METTL21C: variants seen among roughly 807,000 people sequenced by gnomAD.
METTL21C encodes the protein protein-lysine methyltransferase METTL21C.
METTL21C carries 21 observed loss-of-function variants against 25.9 expected under a neutral mutation model. The observed-to-expected ratio is 0.81, with a 90% CI of 0.58 to 1.17. The LOEUF is 1.17. Ranked by LOEUF, METTL21C falls within the 50% of genes most tolerant of loss-of-function variation. The pLI, the probability that METTL21C is intolerant of heterozygous loss-of-function variation, is 0.00. For synonymous variants in METTL21C, 125 were observed against 124.7 expected (o/e 1.00, Z -0.01); for missense variants, 312 against 315.1 (o/e 0.99, Z 0.07).
intron 2 of METTL21C, 93 bp from the exon 3 acceptor site, chr13:102,687,150 A>G: frequency 1.2e-6 from 1 of 858,558 alleles, no homozygotes; most frequent in East Asian, 2.4e-5. Flanking sequence ...ACTAAAAGAC[A>G]TGTTATTACA....
At chr13:102,688,160 C>T (rs1253437488) in intron 2 of METTL21C, among the ~76,000 whole-genome samples, 1 of 152,162 alleles carries the variant, frequency 6.6e-6, no homozygotes. Context: ...CCTCTGGACT[C>T]TACTTTCTAT....
upstream of METTL21C, among the ~76,000 whole-genome samples, chr13:102,696,538 A>T (rs944447943): frequency 6.6e-6 from 1 of 152,202 alleles, no homozygotes; most frequent in African/African-American, 2.4e-5. Context: ...TAAATAATTT[A>T]AAAAACAGTT....
Position 102,686,779 on chromosome 13 carries a change from CTG to C in METTL21C, c.400+159_400+160del, listed in dbSNP as rs1163864900. ...TAACCTCTCTGAGACTCAATGATCT[CTG>C]TAGATAACAGCAGTAATTCCTGCCG... On this transcript the variant is annotated intron_variant, in intron 3 of 3. Coordinates refer to ENST00000267273, the MANE Select transcript of METTL21C (RefSeq NM_001010977.3). 2.0e-5 allele frequency among the ~76,000 whole-genome samples: 3 copies of C among 152,328 alleles called. No homozygotes were observed. The East Asian group carries it at 5.8e-4, about 29-fold the overall frequency.
the METTL21C span, among the ~76,000 whole-genome samples, chr13:102,702,027 G>C: frequency 6.6e-6 from 1 of 152,002 alleles, no homozygotes; most frequent in Non-Finnish European, 1.5e-5. Context: ...AGTCTGGTGT[G>C]GTGGCGGGTG....
intron 3 of METTL21C, 83 bp from the exon 4 acceptor site, chr13:102,686,508 C>T (rs1358284626): frequency 6.8e-7 from 1 of 1,466,820 alleles, no homozygotes; most frequent in East Asian, 2.3e-5. Context: ...CAAGAAACAA[C>T]TGGATTCCTT....
chr13:102,695,839 A>G (rs758764836), upstream of METTL21C, among the ~76,000 whole-genome samples: 1 of 152,234 alleles, frequency 6.6e-6, no homozygotes, highest in Non-Finnish European at 1.5e-5. Flanking sequence ...ATCAGTCCCT[A>G]TGAGAAATAG....
At chr13:102,688,532 G>A (rs975782355) in intron 2 of METTL21C, among the ~76,000 whole-genome samples, 3 of 152,336 alleles carry the variant, frequency 2.0e-5, no homozygotes, top group South Asian at 2.1e-4. Flanking sequence ...AGGCCAGGGC[G>A]GTGGGTAAAA....
At position 102,693,268 on chromosome 13, in the gene METTL21C, A is replaced by G. The variant is rs1239597535; in HGVS notation, c.130+1101T>C. Among the ~76,000 whole-genome samples the G allele has an allele frequency of 2.0e-5, 3 of 152,178 alleles. No homozygotes were observed. The East Asian group carries it at 5.8e-4, about 29-fold the overall frequency. ...TGCTTTTAATATACCTTTGTCTTTA[A>G]TATAATCTATTTAATCATAAGATTC... On this transcript the variant is annotated intron_variant, in intron 1 of 3. Transcript: ENST00000267273.
At chr13:102,691,014 G>A (rs755455648) in intron 1 of METTL21C, 50 bp from the exon 2 acceptor site, 1 of 1,588,964 alleles carries the variant, frequency 6.3e-7, no homozygotes, top group South Asian at 1.1e-5. Context: ...CAAATCCAGT[G>A]CAAAGACACA....
intron 2 of METTL21C, among the ~76,000 whole-genome samples, chr13:102,688,064 G>A (rs920215512): frequency 6.6e-6 from 1 of 152,164 alleles, no homozygotes; most frequent in African/African-American, 2.4e-5. Context: ...CCAGCGTGAG[G>A]AACGTGAACA....
intron 2 of METTL21C, among the ~76,000 whole-genome samples, chr13:102,687,283 C>A (rs1885701296): frequency 6.6e-6 from 1 of 152,168 alleles, no homozygotes; most frequent in South Asian, 2.1e-4. Flanking sequence ...GTTAAATTGC[C>A]TCCTAAATCT....
upstream of METTL21C, among the ~76,000 whole-genome samples, chr13:102,696,972 T>C (rs986399115): frequency 1.3e-5 from 2 of 152,116 alleles, no homozygotes; most frequent in African/African-American, 4.8e-5. Context: ...TTCAAATAGT[T>C]GAAGTGCAGC....
At chr13:102,698,064 G>T (rs558801610), upstream of METTL21C, among the ~76,000 whole-genome samples, 8 of 152,312 alleles carry the variant, frequency 5.3e-5, no homozygotes, top group Admixed American at 2.6e-4. Flanking sequence ...ATAAGATGCC[G>T]TTGCTCCTTT....
chr13:102,687,425 G>C (rs1358486056), intron 2 of METTL21C, among the ~76,000 whole-genome samples: 1 of 152,202 alleles, frequency 6.6e-6, no homozygotes, highest in East Asian at 1.9e-4. Context: ...GTTGTTTTAT[G>C]TTAGAATTCT....
At chr13:102,692,153 TAGAAGGGGGC>T (rs1199784290) in intron 1 of METTL21C, among the ~76,000 whole-genome samples, 2 of 151,948 alleles carry the variant, frequency 1.3e-5, no homozygotes, top group African/African-American at 4.8e-5. Context: ...TGGACAAAGG[TAGAAGGGGGC>T]AGCCGGTGAA....
the METTL21C span, among the ~76,000 whole-genome samples, chr13:102,701,434 T>C: frequency 6.6e-6 from 1 of 152,098 alleles, no homozygotes; most frequent in African/African-American, 2.4e-5. Context: ...AGCAAAGTAT[T>C]TGGGTGGAGA....
the METTL21C span, among the ~76,000 whole-genome samples, chr13:102,701,582 C>T: frequency 6.6e-6 from 1 of 151,986 alleles, no homozygotes; most frequent in African/African-American, 2.4e-5. Context: ...GGTTTGTTAT[C>T]ACACATACTT....
chr13:102,699,551 C>G (rs368357971), upstream of METTL21C, among the ~76,000 whole-genome samples: 6 of 152,294 alleles, frequency 3.9e-5, no homozygotes, highest in Admixed American at 6.5e-5. Flanking sequence ...GACATACCCA[C>G]CATGCCTACT....
upstream of METTL21C, among the ~76,000 whole-genome samples, chr13:102,699,338 C>T (rs924477613): frequency 6.6e-6 from 1 of 152,206 alleles, no homozygotes; most frequent in Non-Finnish European, 1.5e-5. Context: ...TCCATTTCTT[C>T]CCTGGCTCCG....
Sources: allele counts gnomAD v4.1 joint callset (sites outside exome capture counted in the v4.1 genomes callset), GRCh38; gene constraint gnomAD v4.1.1; transcripts MANE v1.5; gene names NCBI Gene and HGNC (gene_info 2026-07-23, HGNC 2026-07-21).